Variants in CNTN1 observed in about 807,000 individuals in gnomAD.
CNTN1 encodes the protein contactin 1.
Under a neutral mutation model 126.4 loss-of-function variants are expected in CNTN1, and 38 were observed. That is an observed-to-expected ratio of 0.30 (90% CI 0.23 to 0.39). The LOEUF (loss-of-function observed/expected upper bound fraction) is 0.39. CNTN1 is among the 10% of genes least tolerant of loss of function. The pLI, the probability that CNTN1 is intolerant of heterozygous loss-of-function variation, is 1.00. For synonymous variants in CNTN1, 413 were observed against 422.6 expected, an observed-to-expected ratio of 0.98 and a Z score of 0.28; for missense variants, 1,009 against 1,248.4, an observed-to-expected ratio of 0.81 and a Z score of 2.89.
chr12:40,734,245 C>T (rs1942565242), intron 1 of CNTN1, among the ~76,000 whole-genome samples: 2 of 152,060 alleles, frequency 1.3e-5, no homozygotes, highest in Non-Finnish European at 2.9e-5. Flanking sequence ...AGTTCTCTAG[C>T]TGAGAACATA....
intron 1 of CNTN1, among the ~76,000 whole-genome samples, chr12:40,709,118 T>C (rs1941843634): frequency 6.6e-6 from 1 of 152,114 alleles, no homozygotes. Context: ...ATTTCCTAAA[T>C]AAAAAAAACT....
intron 3 of CNTN1, among the ~76,000 whole-genome samples, chr12:40,918,430 A>C (rs73126513): frequency 0.014 from 2,068 of 152,260 alleles, 45 homozygotes; most frequent in African/African-American, 0.047. Flanking sequence ...CACATGGTAC[A>C]TTTGGAAAAA....
At chr12:40,773,648 TATATATACACATATATATATATATACAC>T (rs1939440994) in intron 1 of CNTN1, among the ~76,000 whole-genome samples, 1 of 3,880 alleles carries the variant, frequency 2.6e-4, no homozygotes, top group African/African-American at 3.5e-4. Flanking sequence ...TATATATATA[TATATATACACATATATATATATATACAC>T]ATATATATAT....
intron 1 of CNTN1, among the ~76,000 whole-genome samples, chr12:40,907,544 C>A (rs112462129): frequency 2.6e-5 from 4 of 152,282 alleles, no homozygotes; most frequent in African/African-American, 9.6e-5. Context: ...GCAGTGTAAT[C>A]ACATGGTCGT....
intron 1 of CNTN1, among the ~76,000 whole-genome samples, chr12:40,746,512 G>A (rs528744631): frequency 6.6e-6 from 1 of 152,212 alleles, no homozygotes; most frequent in African/African-American, 2.4e-5. Flanking sequence ...TTTAGAGCAG[G>A]AACAAAAGGA....
chr12:40,899,378 C>T (rs559157921), intron 1 of CNTN1, among the ~76,000 whole-genome samples: 36 of 152,238 alleles, frequency 2.4e-4, no homozygotes, highest in Admixed American at 9.8e-4. Context: ...ACATAAAAGT[C>T]AGAAACCTTC....
intron 23 of CNTN1, among the ~76,000 whole-genome samples, chr12:41,039,797 G>A (rs533570849): frequency 2.0e-4 from 30 of 151,946 alleles, no homozygotes; most frequent in Admixed American, 4.6e-4. Flanking sequence ...TAATATAAGT[G>A]GAGATCAAGG....
intron 23 of CNTN1, among the ~76,000 whole-genome samples, chr12:41,053,627 T>C (rs1416795892): frequency 2.0e-5 from 3 of 150,682 alleles, no homozygotes; most frequent in Non-Finnish European, 4.4e-5. Flanking sequence ...TTCTTTTTGC[T>C]TTTGCTCCTG....
chr12:40,734,165 A>C (rs773911434), intron 1 of CNTN1, among the ~76,000 whole-genome samples: 4 of 152,066 alleles, frequency 2.6e-5, no homozygotes, highest in Non-Finnish European at 5.9e-5. Flanking sequence ...AATTGCTGTC[A>C]ATTCAGATCT....
intron 1 of CNTN1, among the ~76,000 whole-genome samples, chr12:40,809,768 A>G (rs1315215393): frequency 2.6e-5 from 4 of 151,818 alleles, no homozygotes; most frequent in South Asian, 4.2e-4. Flanking sequence ...GTGAGCCGAG[A>G]TTGTGCCACT....
chr12:40,903,125 G>C (rs1944667324), intron 1 of CNTN1, among the ~76,000 whole-genome samples: 1 of 152,200 alleles, frequency 6.6e-6, no homozygotes. Flanking sequence ...CCATGTCAGG[G>C]ATCCATCAGT....
chr12:40,722,104 C>A (rs1342513474), intron 1 of CNTN1, among the ~76,000 whole-genome samples: 1 of 152,112 alleles, frequency 6.6e-6, no homozygotes, highest in African/African-American at 2.4e-5. Flanking sequence ...CTAACAAACA[C>A]CTTGTAGGGG....
intron 23 of CNTN1, among the ~76,000 whole-genome samples, chr12:41,064,390 A>T (rs1950006298): frequency 6.6e-6 from 1 of 152,212 alleles, no homozygotes; most frequent in Admixed American, 6.5e-5. Context: ...AAAACTCAGT[A>T]TGCCCAGCTT....
chr12:40,848,864 T>A (rs1403349998), intron 1 of CNTN1, among the ~76,000 whole-genome samples: 1 of 151,104 alleles, frequency 6.6e-6, no homozygotes, highest in African/African-American at 2.4e-5. Context: ...AGGGACTGGT[T>A]ATAAAGGAGA....
In CNTN1 at chr12:40,801,389, C is replaced by T. The variant is rs568726699; in HGVS notation, c.-76-106968C>T. On this transcript the variant is annotated intron_variant, in intron 1 of 23. Transcript: ENST00000551295. Reference sequence around the variant, plus strand: ...ATGTTCTTTGCTGTAGTGGAAATTGCATTATAGTGGAAGAGTTAGGTATTA... The same window carrying T: ...ATGTTCTTTGCTGTAGTGGAAATTGTATTATAGTGGAAGAGTTAGGTATTA... Among the ~76,000 whole-genome samples, 22 of 151,890 alleles carry T rather than the reference C, an allele frequency of 1.4e-4. No homozygotes were observed. The East Asian group carries it at 4.3e-3, about 29-fold the overall frequency.
At position 41,071,179 on chromosome 12, in the gene CNTN1, T is replaced by C. The variant is rs1463251242; in HGVS notation, c.*1144T>C. On this transcript the variant is annotated 3_prime_UTR_variant, in exon 24 of 24. Coordinates refer to ENST00000551295, the MANE Select transcript of CNTN1 (RefSeq NM_001843.4). ...AAATACCAAATCAATATACTGCTAA[T>C]GGTACTTTGAAGAGTATGCAAAACT... is the stretch of plus-strand genomic sequence containing the variant. 6.6e-6 allele frequency: 1 copy of C among 152,114 alleles called. No individual in the cohort carries two copies. Among genetic ancestry groups the C allele is most frequent in the Admixed American group, 6.5e-5 (1 of 15,272 alleles). The allele number at this position is 152,114 out of a possible 1,614,324, so 9.4% of individuals were successfully genotyped here.
intron 1 of CNTN1, among the ~76,000 whole-genome samples, chr12:40,903,110 C>A (rs1159586671): frequency 6.6e-6 from 1 of 152,160 alleles, no homozygotes; most frequent in Non-Finnish European, 1.5e-5. Context: ...TAACAGAGTG[C>A]CAGTCCATGT....
In CNTN1 at chr12:41,044,217, G is replaced by C. The variant is rs116474498; in HGVS notation, c.2980+14998G>C. ...AAGAGTAATGGAAATTTACAGAAAG[G>C]CTAGGATGTTAGCTTCAAAATGCAG... is the stretch of plus-strand genomic sequence containing the variant. On this transcript the variant is annotated intron_variant, in intron 23 of 23. Coordinates refer to ENST00000551295, the MANE Select transcript of CNTN1 (RefSeq NM_001843.4). Among the ~76,000 whole-genome samples, 759 of 151,410 alleles carry C rather than the reference G, an allele frequency of 5.0e-3. 7 individuals carry two copies. The highest frequency in any genetic ancestry group is 0.017 in the African/African-American group (718 of 41,364).
chr12:40,825,887 T>C (rs1382195229), intron 1 of CNTN1, among the ~76,000 whole-genome samples: 1 of 151,982 alleles, frequency 6.6e-6, no homozygotes, highest in African/African-American at 2.4e-5. Flanking sequence ...CTTTGTGTGT[T>C]TCTCATCTCT....
Sources: gnomAD v4.1 joint callset for allele counts (sites outside exome capture counted in the v4.1 genomes callset) on GRCh38, gnomAD v4.1.1 for gene constraint, MANE v1.5 for transcripts, NCBI Gene and HGNC (gene_info 2026-07-23, HGNC 2026-07-21) for gene names.